ACBD6: variants seen among roughly 807,000 people sequenced by gnomAD.
ACBD6 encodes the protein acyl-CoA binding domain containing 6.
In ACBD6, 28 loss-of-function variants were observed where a neutral mutation model predicts 37.2. That is an observed-to-expected ratio of 0.75 (90% CI 0.56 to 1.03). The LOEUF (loss-of-function observed/expected upper bound fraction) is 1.03. ACBD6 is among the 50% of genes least tolerant of loss of function. The pLI, the probability that ACBD6 is intolerant of heterozygous loss-of-function variation, is 0.00. For synonymous variants in ACBD6, 113 were observed against 126.8 expected (o/e 0.89, Z 0.73); for missense variants, 340 against 337.4 (o/e 1.01, Z -0.06).
At chr1:180,398,026 C>T (rs1654327361) in intron 5 of ACBD6, among the ~76,000 whole-genome samples, 1 of 151,762 alleles carries the variant, frequency 6.6e-6, no homozygotes, top group Non-Finnish European at 1.5e-5. Flanking sequence ...GCACTCCAGC[C>T]TGGGTGACAG....
chr1:180,325,430 T>G (rs1171030297), intron 6 of ACBD6, among the ~76,000 whole-genome samples: 5 of 152,184 alleles, frequency 3.3e-5, no homozygotes, highest in African/African-American at 1.2e-4. Context: ...TTTAATTATT[T>G]CAATCTCTTT....
chr1:180,452,270 G>C (rs549341490), intron 3 of ACBD6, among the ~76,000 whole-genome samples: 2 of 152,178 alleles, frequency 1.3e-5, no homozygotes, highest in African/African-American at 4.8e-5. Flanking sequence ...AAGAGATTGA[G>C]ACCAGCCTGG....
chr1:180,363,686 AAGCAGGAGCAGGAGCAGG>A (rs56989190), intron 6 of ACBD6, among the ~76,000 whole-genome samples: 2 of 25,238 alleles, frequency 7.9e-5, no homozygotes, highest in African/African-American at 5.3e-5. Context: ...CAATCAGAGT[AAGCAGGAGCAGGAGCAGG>A]AGCAGGAGCA....
At chr1:180,351,585 T>G (rs1001925494) in intron 6 of ACBD6, among the ~76,000 whole-genome samples, 1,356 of 7,422 alleles carry the variant, frequency 0.18, 27 homozygotes, top group Middle Eastern at 0.25. Context: ...ATATTACGTT[T>G]TTTTTTTTTT....
chr1:180,358,763 C>G (rs1377322624), intron 6 of ACBD6, among the ~76,000 whole-genome samples: 2 of 152,106 alleles, frequency 1.3e-5, no homozygotes, highest in South Asian at 2.1e-4. Flanking sequence ...AGGGATTAAT[C>G]TCCTTTGAAT....
At chr1:180,326,498 A>T (rs949663360) in intron 6 of ACBD6, 3 of 152,466 alleles carry the variant, frequency 2.0e-5, no homozygotes, top group Non-Finnish European at 2.9e-5. Context: ...CCAAGAGCCT[A>T]GGCATGGAAT....
At chr1:180,399,644 T>C (rs1327550237) in intron 5 of ACBD6, among the ~76,000 whole-genome samples, 2 of 152,226 alleles carry the variant, frequency 1.3e-5, no homozygotes, top group Non-Finnish European at 2.9e-5. Context: ...CAGTTTCCTA[T>C]GTTAAAATTT....
intron 6 of ACBD6, among the ~76,000 whole-genome samples, chr1:180,322,048 C>T (rs1651095272): frequency 6.6e-6 from 1 of 151,952 alleles, no homozygotes; most frequent in Non-Finnish European, 1.5e-5. Context: ...CTATATCTAG[C>T]TTGTTAAGGA....
At position 180,427,917 on chromosome 1, in the gene ACBD6, T is replaced by TC. The variant is rs1648653856; in HGVS notation, c.467+2262dup. On this transcript the variant is annotated intron_variant, in intron 4 of 7. Coordinates refer to ENST00000367595, the MANE Select transcript of ACBD6 (RefSeq NM_032360.4). ...CTTGGTGACAGAGCAAGACTCTGTC[T>TC]CAAAAAAAAAAAAAAAACCAAAAAC... is the stretch of plus-strand genomic sequence containing the variant. 1.9e-4 allele frequency among the ~76,000 whole-genome samples: 21 copies of TC among 112,208 alleles called. No homozygotes were observed. The South Asian group carries it at 5.1e-3, about 27-fold the overall frequency. The allele number at this position is 112,208 out of a possible 152,430, so 73.6% of individuals were successfully genotyped here. A position where few individuals can be genotyped will look rare whatever the true frequency, so the allele number is the denominator to read the frequency against.
intron 4 of ACBD6, among the ~76,000 whole-genome samples, chr1:180,424,354 T>C (rs1264517840): frequency 1.3e-5 from 2 of 152,256 alleles, no homozygotes; most frequent in Non-Finnish European, 2.9e-5. Flanking sequence ...ACTGTCATTA[T>C]TCTTATCTTA....
intron 3 of ACBD6, among the ~76,000 whole-genome samples, chr1:180,478,885 TGA>T (rs1650904370): frequency 6.6e-6 from 1 of 152,118 alleles, no homozygotes; most frequent in South Asian, 2.1e-4. Context: ...ACCAGCACTT[TGA>T]GAGGCCAAGG....
Position 180,393,304 on chromosome 1 carries a change from C to T in ACBD6, c.663+4212G>A, listed in dbSNP as rs569783573. 3.3e-5 allele frequency among the ~76,000 whole-genome samples: 5 copies of T among 151,696 alleles called. No individual in the cohort carries two copies. In the South Asian group the frequency reaches 6.3e-4, roughly 19 times the overall value. ...CATCACAGTCACACAACATAGAAGC[C>T]GCAGTATAAAAAAAAATGTATGAGA... On this transcript the variant is annotated intron_variant, in intron 6 of 7. Transcript: ENST00000367595.
chr1:180,400,806 GTTAACCACAAA>G (rs1647319079), intron 5 of ACBD6, among the ~76,000 whole-genome samples: 1 of 151,910 alleles, frequency 6.6e-6, no homozygotes, highest in South Asian at 2.1e-4. Context: ...CTTTCTCTTT[GTTAACCACAAA>G]CACACCTAGA....
At chr1:180,353,780 A>C (rs1459976732) in intron 6 of ACBD6, among the ~76,000 whole-genome samples, 1 of 114,390 alleles carries the variant, frequency 8.7e-6, no homozygotes, top group Non-Finnish European at 1.9e-5. Context: ...AACAGTTAAC[A>C]ACCACAAAAA....
At chr1:180,399,161 G>A (rs985761466) in intron 5 of ACBD6, among the ~76,000 whole-genome samples, 1 of 152,016 alleles carries the variant, frequency 6.6e-6, no homozygotes, top group African/African-American at 2.4e-5. Flanking sequence ...CTAAGAGGGG[G>A]GAAAGCAGAG....
intron 6 of ACBD6, among the ~76,000 whole-genome samples, chr1:180,375,317 C>G (rs1653392583): frequency 6.6e-6 from 1 of 151,922 alleles, no homozygotes; most frequent in Non-Finnish European, 1.5e-5. Context: ...GGTGGCATCT[C>G]AAATCATGAG....
intron 6 of ACBD6, among the ~76,000 whole-genome samples, chr1:180,389,447 T>C (rs1411580964): frequency 6.6e-6 from 1 of 152,230 alleles, no homozygotes; most frequent in Non-Finnish European, 1.5e-5. Context: ...TTGTGAATAG[T>C]GCTGCAATAA....
chr1:180,413,596 G>C, intron 4 of ACBD6, 125 bp from the exon 5 acceptor site: 2 of 700,948 alleles, frequency 2.9e-6, no homozygotes, highest in Non-Finnish European at 4.9e-6. Flanking sequence ...AATTTTACAT[G>C]AACAGTAACA....
chr1:180,398,125 ACTT>A (rs1654335654), intron 5 of ACBD6, among the ~76,000 whole-genome samples: 1 of 152,126 alleles, frequency 6.6e-6, no homozygotes, highest in Non-Finnish European at 1.5e-5. Flanking sequence ...CCCAATATCT[ACTT>A]CTGGGTCTGT....
Sources: allele counts gnomAD v4.1 joint callset (sites outside exome capture counted in the v4.1 genomes callset), GRCh38; gene constraint gnomAD v4.1.1; transcripts MANE v1.5; gene names NCBI Gene and HGNC (gene_info 2026-07-23, HGNC 2026-07-21).